The following IMMP2L variants were observed in gnomAD, a reference collection of about 807,000 sequenced individuals.
IMMP2L encodes the protein inner mitochondrial membrane peptidase subunit 2.
In IMMP2L, 18 loss-of-function variants were observed where a neutral mutation model predicts 19.3. That is an observed-to-expected ratio of 0.93 (90% CI 0.64 to 1.38). The LOEUF (loss-of-function observed/expected upper bound fraction) is 1.38. Ranked by LOEUF, IMMP2L falls within the 40% of genes most tolerant of loss-of-function variation. The probability of loss-of-function intolerance (pLI) is 0.00; values close to 1 mark genes in which losing one functional copy is unlikely to be tolerated. For missense variants in IMMP2L, 233 were observed against 218.2 expected, an observed-to-expected ratio of 1.07 and a Z score of -0.43; for synonymous variants, 76 against 73.0, an observed-to-expected ratio of 1.04 and a Z score of -0.21.
At chr7:111,043,453 A>G (rs1372371555) in intron 3 of IMMP2L, among the ~76,000 whole-genome samples, 1 of 152,224 alleles carries the variant, frequency 6.6e-6, no homozygotes, top group East Asian at 1.9e-4. Flanking sequence ...AGGAAAATAC[A>G]TAAACTTTAA....
At chr7:111,052,600 T>A (rs1793101210) in intron 3 of IMMP2L, among the ~76,000 whole-genome samples, 1 of 152,130 alleles carries the variant, frequency 6.6e-6, no homozygotes. Context: ...GTAACTTCTA[T>A]CTCCCTAAAA....
At chr7:111,230,768 A>G (rs1431033099) in intron 3 of IMMP2L, among the ~76,000 whole-genome samples, 1 of 152,082 alleles carries the variant, frequency 6.6e-6, no homozygotes, top group Non-Finnish European at 1.5e-5. Flanking sequence ...AACAGTAATC[A>G]AACACTAATG....
At chr7:110,829,552 T>C (rs547162930) in intron 5 of IMMP2L, among the ~76,000 whole-genome samples, 1 of 152,210 alleles carries the variant, frequency 6.6e-6, no homozygotes, top group South Asian at 2.1e-4. Context: ...AATATTCCTT[T>C]CCATTTCATT....
intron 3 of IMMP2L, among the ~76,000 whole-genome samples, chr7:111,014,840 G>A (rs933566366): frequency 6.6e-6 from 1 of 152,028 alleles, no homozygotes; most frequent in Non-Finnish European, 1.5e-5. Flanking sequence ...AAACCACAGT[G>A]AGATATCATC....
intron 3 of IMMP2L, among the ~76,000 whole-genome samples, chr7:110,995,128 G>T (rs1276189890): frequency 6.6e-6 from 1 of 152,040 alleles, no homozygotes; most frequent in Non-Finnish European, 1.5e-5. Context: ...TTCATACCAA[G>T]ACCGAGAACT....
chr7:110,877,828 T>C lies in IMMP2L; in HGVS notation c.408+8765A>G, dbSNP rs1300594884. On this transcript the variant is annotated intron_variant, in intron 5 of 5. Transcript: ENST00000405709. The surrounding 1 kb of genome is among the most constrained non-coding windows in gnomAD (Gnocchi z 4.0). ...AGTGTGACATTCTAACTCTGATTATTCACCAGGTATTTACTCATAAAAAAC... is the reference window on the plus strand; with the variant it reads ...AGTGTGACATTCTAACTCTGATTATCCACCAGGTATTTACTCATAAAAAAC... Among the ~76,000 whole-genome samples the C allele has an allele frequency of 2.0e-5, 3 of 152,124 alleles. No homozygotes were observed. The highest frequency in any genetic ancestry group is 2.0e-4 in the Admixed American group (3 of 15,250).
intron 1 of IMMP2L, among the ~76,000 whole-genome samples, chr7:111,541,769 C>A (rs1220337593): frequency 2.0e-5 from 3 of 152,032 alleles, no homozygotes; most frequent in Non-Finnish European, 4.4e-5. Context: ...AAATTAATAT[C>A]TACCAGTTTT....
intron 1 of IMMP2L, among the ~76,000 whole-genome samples, chr7:111,543,474 T>A (rs1175723722): frequency 6.6e-6 from 1 of 152,142 alleles, no homozygotes; most frequent in Non-Finnish European, 1.5e-5. Flanking sequence ...GCCTTCTCTG[T>A]AAGCCAGCAA....
intron 3 of IMMP2L, among the ~76,000 whole-genome samples, chr7:111,261,092 G>C (rs1012108617): frequency 3.3e-5 from 5 of 152,042 alleles, no homozygotes; most frequent in African/African-American, 1.2e-4. Flanking sequence ...AAGTTCATAG[G>C]TCAAGAAACT....
intron 3 of IMMP2L, among the ~76,000 whole-genome samples, chr7:110,998,556 T>A (rs1220812373): frequency 6.6e-6 from 1 of 152,190 alleles, no homozygotes; most frequent in Non-Finnish European, 1.5e-5. Flanking sequence ...GTTGGCAATA[T>A]GTACGCTGCT....
intron 3 of IMMP2L, among the ~76,000 whole-genome samples, chr7:111,347,800 G>A (rs1827722220): frequency 6.6e-6 from 1 of 151,936 alleles, no homozygotes; most frequent in South Asian, 2.1e-4. Flanking sequence ...ATCTTTCAAG[G>A]CCCAATTCCA....
chr7:111,035,060 A>G (rs994050466), intron 3 of IMMP2L, among the ~76,000 whole-genome samples: 16 of 152,162 alleles, frequency 1.1e-4, no homozygotes, highest in African/African-American at 3.9e-4. Context: ...TAGGATGTTA[A>G]AAGAAAACAG....
At chr7:110,679,467 C>T (rs191337485) in intron 5 of IMMP2L, among the ~76,000 whole-genome samples, 1 of 152,164 alleles carries the variant, frequency 6.6e-6, no homozygotes, top group African/African-American at 2.4e-5. Context: ...GGAGATAAAA[C>T]AGTTCATATA....
chr7:111,257,687 A>C (rs2129633777), intron 3 of IMMP2L, among the ~76,000 whole-genome samples: 1 of 152,276 alleles, frequency 6.6e-6, no homozygotes, highest in East Asian at 1.9e-4. Context: ...ACTCATTATA[A>C]GCTTAAACTA....
intron 5 of IMMP2L, among the ~76,000 whole-genome samples, chr7:110,772,896 T>C (rs946625975): frequency 2.6e-5 from 4 of 152,076 alleles, no homozygotes; most frequent in African/African-American, 7.2e-5. Context: ...CACTCAGAAC[T>C]GTGCAAAGGA....
intron 3 of IMMP2L, among the ~76,000 whole-genome samples, chr7:111,241,909 G>T (rs1815104123): frequency 6.6e-6 from 1 of 151,820 alleles, no homozygotes; most frequent in African/African-American, 2.4e-5. Context: ...TACGGTATTT[G>T]CAGCCTGTAG....
At chr7:111,107,638 A>G (rs1048659080) in intron 3 of IMMP2L, among the ~76,000 whole-genome samples, 1 of 152,122 alleles carries the variant, frequency 6.6e-6, no homozygotes, top group South Asian at 2.1e-4. Context: ...TTGGGGCACT[A>G]GTAAAGTAAT....
chr7:111,551,641 G>C (rs943380687), intron 1 of IMMP2L, among the ~76,000 whole-genome samples: 1 of 151,842 alleles, frequency 6.6e-6, no homozygotes, highest in Non-Finnish European at 1.5e-5. Context: ...TGGCAAATCA[G>C]GGACCTATAA....
chr7:111,235,305 C>T (rs1814164827), intron 3 of IMMP2L, among the ~76,000 whole-genome samples: 1 of 151,962 alleles, frequency 6.6e-6, no homozygotes, highest in South Asian at 2.1e-4. Context: ...AACCCAGTCT[C>T]TACTAAAAAT....
Sources: allele counts gnomAD v4.1 joint callset (sites outside exome capture counted in the v4.1 genomes callset), GRCh38; gene constraint gnomAD v4.1.1; non-coding constraint Gnocchi (gnomAD v3.1); transcripts MANE v1.5; gene names NCBI Gene and HGNC (gene_info 2026-07-23, HGNC 2026-07-21).